KCNMA1: variants seen among roughly 807,000 people sequenced by gnomAD.
The protein encoded by KCNMA1 is potassium calcium-activated channel subfamily M alpha 1, also known as Calcium-activated potassium channel subunit alpha-1.
KCNMA1 carries 29 observed loss-of-function variants against 140.0 expected under a neutral mutation model. The observed-to-expected ratio is 0.21, with a 90% CI of 0.15 to 0.28. The LOEUF (loss-of-function observed/expected upper bound fraction) is 0.28. Ranked by LOEUF, KCNMA1 falls within the 10% of genes least tolerant of loss-of-function variation. The probability of loss-of-function intolerance (pLI) is 1.00; values close to 1 mark genes in which losing one functional copy is unlikely to be tolerated. For missense variants in KCNMA1, 880 were observed against 1,602.2 expected (o/e 0.55, Z 7.70); for synonymous variants, 612 against 611.9 (o/e 1.00, Z 0.00).
At chr10:77,522,100 A>G (rs535005019) in intron 1 of KCNMA1, among the ~76,000 whole-genome samples, 14 of 152,050 alleles carry the variant, frequency 9.2e-5, no homozygotes, top group Non-Finnish European at 1.8e-4. Flanking sequence ...ACTTGAACCC[A>G]GGAGGCGGAG....
At chr10:76,972,176 A>C (rs1398492408) in intron 19 of KCNMA1, among the ~76,000 whole-genome samples, 4 of 152,150 alleles carry the variant, frequency 2.6e-5, no homozygotes, top group African/African-American at 4.8e-5. Context: ...TGTTTGTGTG[A>C]GTGCATGTGA....
At chr10:77,321,764 A>G (rs1292347103) in intron 2 of KCNMA1, among the ~76,000 whole-genome samples, 5 of 152,266 alleles carry the variant, frequency 3.3e-5, no homozygotes, top group Admixed American at 2.6e-4. Context: ...CTGAGACTCA[A>G]AATAACCATG....
chr10:77,265,477 T>C (rs749608646), intron 2 of KCNMA1, among the ~76,000 whole-genome samples: 11 of 152,214 alleles, frequency 7.2e-5, no homozygotes, highest in Non-Finnish European at 1.6e-4. Context: ...AAGATATTCT[T>C]TTTCTTTGAA....
chr10:77,544,059 G>A (rs1367047922), intron 1 of KCNMA1, among the ~76,000 whole-genome samples: 2 of 151,776 alleles, frequency 1.3e-5, no homozygotes, highest in Admixed American at 6.6e-5. Context: ...AGCCATGTAC[G>A]TTAATACTCT....
intron 9 of KCNMA1, among the ~76,000 whole-genome samples, chr10:77,101,007 G>A (rs2097084132): frequency 6.6e-6 from 1 of 152,038 alleles, no homozygotes; most frequent in Non-Finnish European, 1.5e-5. Context: ...GAAGGGAAGA[G>A]TGACAGCAGG....
At chr10:76,940,832 G>A (rs1444219438) in intron 23 of KCNMA1, among the ~76,000 whole-genome samples, 7 of 151,356 alleles carry the variant, frequency 4.6e-5, no homozygotes, top group East Asian at 2.0e-4. Flanking sequence ...GTGGCAGCAC[G>A]CACCTGTAAT....
chr10:77,404,522 C>T (rs1289020814), intron 1 of KCNMA1, among the ~76,000 whole-genome samples: 1 of 152,092 alleles, frequency 6.6e-6, no homozygotes, highest in Admixed American at 6.5e-5. Context: ...AAGTGATCCG[C>T]CCACCTCAGC....
At chr10:77,211,091 G>C (rs1412349340) in intron 3 of KCNMA1, among the ~76,000 whole-genome samples, 3 of 151,918 alleles carry the variant, frequency 2.0e-5, no homozygotes, top group Non-Finnish European at 4.4e-5. Context: ...CTCCATAAAA[G>C]AGCCTGAGTG....
chr10:77,427,703 C>T (rs1385346414), intron 1 of KCNMA1, among the ~76,000 whole-genome samples: 3 of 150,456 alleles, frequency 2.0e-5, no homozygotes, highest in Non-Finnish European at 4.4e-5. Context: ...TCATCCAATC[C>T]TGAGCATCCA....
At chr10:77,362,732 G>A (rs1174085062) in intron 2 of KCNMA1, among the ~76,000 whole-genome samples, 2 of 152,084 alleles carry the variant, frequency 1.3e-5, no homozygotes, top group African/African-American at 2.4e-5. Flanking sequence ...TGTTGTTTAG[G>A]AGTCTCCCCT....
At chr10:77,073,848 T>C (rs1351045204) in intron 13 of KCNMA1, among the ~76,000 whole-genome samples, 2 of 152,172 alleles carry the variant, frequency 1.3e-5, no homozygotes, top group Non-Finnish European at 2.9e-5. Context: ...TGAGAACCAC[T>C]GGCCTAAAAC....
intron 20 of KCNMA1, among the ~76,000 whole-genome samples, chr10:76,962,045 C>T (rs541375616): frequency 6.6e-6 from 1 of 152,286 alleles, no homozygotes; most frequent in African/African-American, 2.4e-5. Flanking sequence ...AACTAAATGC[C>T]CTGCTACAAC....
At chr10:77,203,567 G>A (rs1294935060) in intron 3 of KCNMA1, among the ~76,000 whole-genome samples, 5 of 152,132 alleles carry the variant, frequency 3.3e-5, no homozygotes, top group Admixed American at 3.3e-4. Context: ...TTCCCTGCTA[G>A]ACTGTGAGCT....
At position 77,299,153 on chromosome 10, in the gene KCNMA1, A is replaced by C. The variant is rs1363079499; in HGVS notation, c.541-47897T>G. ...ATGCTGAAATGGAGCAACTTTTGGC[A>C]TGTGATAAAGATGGGGAAAGTTGAA... On this transcript the variant is annotated intron_variant, in intron 2 of 27. Transcript: ENST00000286628. 3.3e-5 allele frequency among the ~76,000 whole-genome samples: 5 copies of C among 152,216 alleles called. No homozygotes were observed. The East Asian group carries it at 9.6e-4, about 29-fold the overall frequency.
intron 23 of KCNMA1, among the ~76,000 whole-genome samples, chr10:76,936,515 C>T (rs1276363496): frequency 4.6e-5 from 7 of 152,086 alleles, no homozygotes; most frequent in African/African-American, 7.2e-5. Flanking sequence ...GAGCTTTGTT[C>T]GTTTAGTGGG....
At position 77,447,234 on chromosome 10, in the gene KCNMA1, C is replaced by T. The variant is rs140742673; in HGVS notation, c.379-43211G>A. ...TCATCTCTGTTGGATAAATCCACTCCAGAGTTGTCTGCTGGGTTGGCCGAG... is the reference window on the plus strand; with the variant it reads ...TCATCTCTGTTGGATAAATCCACTCTAGAGTTGTCTGCTGGGTTGGCCGAG... On this transcript the variant is annotated intron_variant, in intron 1 of 27. Coordinates refer to ENST00000286628, the MANE Select transcript of KCNMA1 (RefSeq NM_001161352.2). Among the ~76,000 whole-genome samples the T allele has an allele frequency of 1.1e-3, 171 of 152,326 alleles. 1 individual carries two copies. Among genetic ancestry groups the T allele is most frequent in the Non-Finnish European group, 2.1e-3 (144 of 68,024 alleles).
intron 2 of KCNMA1, among the ~76,000 whole-genome samples, chr10:77,388,897 CT>C (rs1469883899): frequency 6.6e-6 from 1 of 152,188 alleles, no homozygotes; most frequent in Admixed American, 6.5e-5. Flanking sequence ...ACACAACTCC[CT>C]GTGGGCCGCA....
At chr10:77,628,591 G>A (rs937484991) in intron 1 of KCNMA1, among the ~76,000 whole-genome samples, 1 of 151,090 alleles carries the variant, frequency 6.6e-6, no homozygotes, top group Non-Finnish European at 1.5e-5. Flanking sequence ...ACAGTGAGCC[G>A]AGATCATGCC....
chr10:77,570,903 C>G (rs2070995885), intron 1 of KCNMA1, among the ~76,000 whole-genome samples: 1 of 148,704 alleles, frequency 6.7e-6, no homozygotes, highest in South Asian at 2.2e-4. Context: ...TGCACTAGAA[C>G]CTGGGCAACA....
Sources: allele counts gnomAD v4.1 joint callset (sites outside exome capture counted in the v4.1 genomes callset), GRCh38; gene constraint gnomAD v4.1.1; transcripts MANE v1.5; gene names NCBI Gene and HGNC (gene_info 2026-07-23, HGNC 2026-07-21).